The following KCTD1 variants were observed in gnomAD, a reference collection of about 807,000 sequenced individuals.
KCTD1 encodes the protein potassium channel tetramerization domain containing 1, also known as BTB/POZ domain-containing protein KCTD1.
In KCTD1, 24 loss-of-function variants were observed where a neutral mutation model predicts 66.0. The ratio of observed to expected loss-of-function variants is 0.36; its 90% confidence interval spans 0.26 to 0.51. The LOEUF (loss-of-function observed/expected upper bound fraction) is 0.51. Ranked by LOEUF, KCTD1 falls within the 20% of genes least tolerant of loss-of-function variation. The pLI, the probability that KCTD1 is intolerant of heterozygous loss-of-function variation, is 0.95. For missense variants in KCTD1, 943 were observed against 1,205.2 expected, an observed-to-expected ratio of 0.78 and a Z score of 3.22; for synonymous variants, 511 against 517.2, an observed-to-expected ratio of 0.99 and a Z score of 0.16.
At chr18:26,511,758 C>T (rs1042469892) in intron 1 of KCTD1, among the ~76,000 whole-genome samples, 1 of 152,166 alleles carries the variant, frequency 6.6e-6, no homozygotes, top group African/African-American at 2.4e-5. Flanking sequence ...GCTATACATG[C>T]TCTGACATTC....
At chr18:26,546,650 C>A in intron 1 of KCTD1, 78 bp downstream of exon 1, 1 of 1,445,350 alleles carries the variant, frequency 6.9e-7, no homozygotes, top group Non-Finnish European at 9.2e-7. Context: ...CCCCCCTACC[C>A]AGAGCTGCAT....
At chr18:26,503,650 A>C (rs1209504356) in intron 1 of KCTD1, among the ~76,000 whole-genome samples, 1 of 152,108 alleles carries the variant, frequency 6.6e-6, no homozygotes, top group African/African-American at 2.4e-5. Context: ...TTGCAGGGTT[A>C]ATATTGTCGT....
At chr18:26,513,090 ATT>A (rs571957643) in intron 1 of KCTD1, among the ~76,000 whole-genome samples, 9 of 140,228 alleles carry the variant, frequency 6.4e-5, no homozygotes, top group Admixed American at 1.4e-4. Context: ...TCCAGGGTGT[ATT>A]TTTTTTTTTT....
At chr18:26,460,058 C>A in intron 3 of KCTD1, 133 bp from the exon 4 acceptor site, 2 of 675,586 alleles carry the variant, frequency 3.0e-6, no homozygotes, top group African/African-American at 1.8e-5. Context: ...TTTTCACTTA[C>A]GACATGTTTG....
intron 4 of KCTD1, chr18:26,458,653 C>T (rs1980234995): frequency 6.6e-6 from 1 of 152,468 alleles, no homozygotes; most frequent in African/African-American, 2.4e-5. Context: ...TCAATTCCAC[C>T]CCCACATCTC....
At chr18:26,580,255 G>A (rs1405116758) in intron 1 of KCTD1, among the ~76,000 whole-genome samples, 1 of 152,118 alleles carries the variant, frequency 6.6e-6, no homozygotes, top group Non-Finnish European at 1.5e-5. Context: ...TATGATGTCA[G>A]GTGTCCTGAG....
chr18:26,524,532 C>T (rs1404594572), intron 1 of KCTD1, among the ~76,000 whole-genome samples: 2 of 152,190 alleles, frequency 1.3e-5, no homozygotes, highest in East Asian at 1.9e-4. Context: ...GAATCAGTAT[C>T]CCAATGATAT....
At chr18:26,516,265 C>T (rs17662554) in intron 1 of KCTD1, among the ~76,000 whole-genome samples, 45,345 of 152,118 alleles carry the variant, frequency 0.3, 7,747 homozygotes, top group East Asian at 0.62. Flanking sequence ...TCTTGACCAC[C>T]TGTTTACATA....
At chr18:26,532,544 G>GT (rs1183333991) in intron 1 of KCTD1, among the ~76,000 whole-genome samples, 3 of 152,104 alleles carry the variant, frequency 2.0e-5, no homozygotes, top group East Asian at 1.9e-4. Context: ...GGTTACAGGC[G>GT]TGAGTCATGG....
At chr18:26,536,720 G>A (rs1984725511) in intron 1 of KCTD1, among the ~76,000 whole-genome samples, 1 of 152,100 alleles carries the variant, frequency 6.6e-6, no homozygotes, top group Non-Finnish European at 1.5e-5. Flanking sequence ...TCACCTCCAA[G>A]TTCCTACCTT....
intron 3 of KCTD1, among the ~76,000 whole-genome samples, chr18:26,462,206 G>C (rs944238246): frequency 6.6e-6 from 1 of 152,162 alleles, no homozygotes; most frequent in African/African-American, 2.4e-5. Context: ...ACCCACTCTT[G>C]GAAAAGTCGA....
chr18:26,531,103 A>C (rs1178089623), intron 1 of KCTD1, among the ~76,000 whole-genome samples: 2 of 152,250 alleles, frequency 1.3e-5, no homozygotes, highest in African/African-American at 4.8e-5. Context: ...GAAGGAATAA[A>C]AATCATGAAA....
At chr18:26,535,971 C>CAAA (rs36119174) in intron 1 of KCTD1, among the ~76,000 whole-genome samples, 2 of 122,822 alleles carry the variant, frequency 1.6e-5, no homozygotes, top group Admixed American at 8.9e-5. Context: ...GTGATTCCTC[C>CAAA]AAAAAAAAAA....
intron 1 of KCTD1, among the ~76,000 whole-genome samples, chr18:26,511,686 T>A (rs1983338757): frequency 6.6e-6 from 1 of 152,254 alleles, no homozygotes; most frequent in South Asian, 2.1e-4. Flanking sequence ...ATAAATTTAC[T>A]GTGATATTTT....
At chr18:26,593,345 AGAGGAGGAGGAGGAAGAGGAG>A (rs1370037950) in intron 1 of KCTD1, among the ~76,000 whole-genome samples, 2 of 32,158 alleles carry the variant, frequency 6.2e-5, no homozygotes, top group Admixed American at 3.9e-4. Flanking sequence ...AAGAGGAGGA[AGAGGAGGAGGAGGAAGAGGAG>A]GAGGAGGAAG....
At chr18:26,556,233 G>A (rs1192158447) in intron 1 of KCTD1, among the ~76,000 whole-genome samples, 1 of 152,172 alleles carries the variant, frequency 6.6e-6, no homozygotes, top group Non-Finnish European at 1.5e-5. Flanking sequence ...GATGGAAGGA[G>A]ACTGCCTTGG....
chr18:26,500,912 A>G (rs748697313), intron 2 of KCTD1, among the ~76,000 whole-genome samples, 160 bp downstream of exon 2: 4 of 152,202 alleles, frequency 2.6e-5, no homozygotes, highest in Non-Finnish European at 4.4e-5. Flanking sequence ...ATGTCCAGCC[A>G]TTGTCCAAGA....
chr18:26,499,102 C>T (rs1002992252), intron 2 of KCTD1, among the ~76,000 whole-genome samples: 5 of 152,176 alleles, frequency 3.3e-5, no homozygotes, highest in Non-Finnish European at 7.3e-5. Flanking sequence ...TTATTAACTT[C>T]CCTCCTGTCT....
At chr18:26,593,649 A>G (rs1012312116) in intron 1 of KCTD1, among the ~76,000 whole-genome samples, 256 of 68,936 alleles carry the variant, frequency 3.7e-3, no homozygotes, top group East Asian at 6.4e-3. Context: ...AAGAGAAGGA[A>G]GAGGAGGAAG....
Sources: gnomAD v4.1 joint callset for allele counts (sites outside exome capture counted in the v4.1 genomes callset) on GRCh38, gnomAD v4.1.1 for gene constraint, MANE v1.5 for transcripts, NCBI Gene and HGNC (gene_info 2026-07-23, HGNC 2026-07-21) for gene names.